KCNT2: variants seen among roughly 807,000 people sequenced by gnomAD.
The protein encoded by KCNT2 is potassium sodium-activated channel subfamily T member 2.
In KCNT2, 67 loss-of-function variants were observed where a neutral mutation model predicts 153.8. The ratio of observed to expected loss-of-function variants is 0.44; its 90% CI spans 0.36 to 0.53. KCNT2 has a LOEUF of 0.53. KCNT2 is among the 20% of genes least tolerant of loss of function. The probability of loss-of-function intolerance (pLI) is 0.00; values close to 1 mark genes in which losing one functional copy is unlikely to be tolerated. For missense variants in KCNT2, 975 were observed against 1,354.8 expected (o/e 0.72, Z 4.40); for synonymous variants, 500 against 458.8 (o/e 1.09, Z -1.15).
In KCNT2 at chr1:196,429,767, C is replaced by A; in HGVS notation, c.639-10G>T. The A allele has an allele frequency of 1.3e-6, 2 of 1,567,198 alleles. No individual in the cohort carries two copies. Among genetic ancestry groups the A allele is most frequent in the Non-Finnish European group, 1.7e-6 (2 of 1,153,598 alleles). On this transcript the variant is annotated splice_polypyrimidine_tract_variant and intron_variant, in intron 8 of 27. Coordinates refer to ENST00000294725, the MANE Select transcript of KCNT2 (RefSeq NM_198503.5). The stretch of plus-strand genomic sequence containing the variant: ...TTGGATCCCACAAATGCTAAAGAAA[C>A]AAATATGCATTACAATTAAATCTTT...
At position 196,258,478 on chromosome 1, in the gene KCNT2, C is replaced by T. The variant is rs1265533958; in HGVS notation, c.2927G>A (p.Ser976Asn). 1 of 1,585,548 alleles carries T rather than the reference C, an allele frequency of 6.3e-7. No individual in the cohort carries two copies. Among genetic ancestry groups the T allele is most frequent in the East Asian group, 2.2e-5 (1 of 44,650 alleles). Residue 976 changes from serine (S) to asparagine (N), a missense_variant, in exon 26 of 28, where the codon AGT becomes AAT. Ser to Asn is a conservative substitution (Grantham distance 46). Around this residue, in one of 6 missense-constraint regions of KCNT2, gnomAD observed 241 missense variants for 271.1 expected, o/e 0.89. Coordinates refer to ENST00000294725, the MANE Select transcript of KCNT2 (RefSeq NM_198503.5). ...TTTGGTGTCTTCCCACTCTTCTACA[C>T]TGATAGATATTTGAGACTTTAAAGG... ...LTTSESQISISVEEWEDTKDS... is the reference protein window; with the variant it reads ...LTTSESQISINVEEWEDTKDS...
At chr1:196,245,257 G>T (rs776348735) in intron 26 of KCNT2, among the ~76,000 whole-genome samples, 6 of 151,992 alleles carry the variant, frequency 3.9e-5, no homozygotes, top group Non-Finnish European at 8.8e-5. Context: ...TTGGGAAGCC[G>T]AGGTGGGAGG....
chr1:196,467,939 G>A (rs1677759734), intron 6 of KCNT2, among the ~76,000 whole-genome samples, 153 bp from the exon 7 acceptor site: 1 of 152,022 alleles, frequency 6.6e-6, no homozygotes, highest in African/African-American at 2.4e-5. Flanking sequence ...TAAAATGTAA[G>A]GAATTGATAT....
chr1:196,349,201 G>A (rs374820139), intron 14 of KCNT2, among the ~76,000 whole-genome samples: 79 of 152,162 alleles, frequency 5.2e-4, no homozygotes, highest in South Asian at 4.6e-3. Flanking sequence ...TTGGGAAAAA[G>A]GAAAAAAGCA....
chr1:196,567,851 C>G (rs566344507), intron 1 of KCNT2, among the ~76,000 whole-genome samples: 13 of 152,192 alleles, frequency 8.5e-5, no homozygotes, highest in Non-Finnish European at 1.6e-4. Flanking sequence ...GTACTGGAAC[C>G]TTTCTTTATC....
At chr1:196,310,158 CATT>C (rs1259482413) in intron 21 of KCNT2, among the ~76,000 whole-genome samples, 5 of 151,768 alleles carry the variant, frequency 3.3e-5, no homozygotes, top group Admixed American at 6.6e-5. Flanking sequence ...GTTTATGACA[CATT>C]ATTCAAAATA....
intron 3 of KCNT2, among the ~76,000 whole-genome samples, chr1:196,488,805 A>G (rs1355364118): frequency 6.6e-6 from 1 of 151,944 alleles, no homozygotes; most frequent in Non-Finnish European, 1.5e-5. Flanking sequence ...TTAGTGTGAG[A>G]GCTATGGAGG....
At chr1:196,388,621 A>T (rs1433278647) in intron 13 of KCNT2, among the ~76,000 whole-genome samples, 1 of 151,554 alleles carries the variant, frequency 6.6e-6, no homozygotes, top group Non-Finnish European at 1.5e-5. Context: ...ATTTTATTAA[A>T]TTCTCCCATA....
chr1:196,345,751 C>T (rs968588453), intron 14 of KCNT2, among the ~76,000 whole-genome samples: 9 of 151,916 alleles, frequency 5.9e-5, no homozygotes, highest in African/African-American at 2.2e-4. Context: ...AGGCAGACTT[C>T]GAGAATTTGC....
intron 26 of KCNT2, among the ~76,000 whole-genome samples, chr1:196,238,442 G>C (rs868507582): frequency 1.3e-5 from 2 of 151,808 alleles, no homozygotes; most frequent in Admixed American, 6.6e-5. Flanking sequence ...TATTATACAT[G>C]GCTTATCAAG....
chr1:196,558,301 GA>G (rs1412441975), intron 1 of KCNT2, among the ~76,000 whole-genome samples: 5 of 151,130 alleles, frequency 3.3e-5, no homozygotes, highest in African/African-American at 1.2e-4. Flanking sequence ...ATTAAATCTA[GA>G]AAAATCTACA....
chr1:196,499,088 A>G (rs2148756998), intron 1 of KCNT2, among the ~76,000 whole-genome samples: 1 of 152,334 alleles, frequency 6.6e-6, no homozygotes, highest in Middle Eastern at 3.4e-3. Flanking sequence ...GAAGATGGTC[A>G]TATGAAGACA....
intron 19 of KCNT2, among the ~76,000 whole-genome samples, chr1:196,321,238 T>G (rs1203804570): frequency 6.6e-6 from 1 of 151,776 alleles, no homozygotes; most frequent in East Asian, 1.9e-4. Flanking sequence ...ACCCTCCACA[T>G]CTCTCTCACC....
At chr1:196,239,864 C>T (rs77068550) in intron 26 of KCNT2, among the ~76,000 whole-genome samples, 2,854 of 151,964 alleles carry the variant, frequency 0.019, 31 homozygotes, top group Middle Eastern at 0.044. Flanking sequence ...GTCCTCTAAT[C>T]CAATAGGACT....
chr1:196,399,246 C>T (rs1002612995), intron 12 of KCNT2, among the ~76,000 whole-genome samples: 18 of 151,442 alleles, frequency 1.2e-4, no homozygotes, highest in African/African-American at 4.1e-4. Context: ...ACACGAACTC[C>T]TTTACATAGT....
intron 1 of KCNT2, among the ~76,000 whole-genome samples, chr1:196,557,640 G>A (rs533395737): frequency 7.9e-5 from 12 of 151,098 alleles, no homozygotes; most frequent in Non-Finnish European, 1.3e-4. Flanking sequence ...TTAATTAATA[G>A]CAATGTTATT....
chr1:196,361,891 TTGTG>T (rs916968748), intron 14 of KCNT2, among the ~76,000 whole-genome samples: 2 of 136,228 alleles, frequency 1.5e-5, no homozygotes, highest in African/African-American at 5.7e-5. Context: ...AGACTTTAAA[TTGTG>T]TGTGTGTTTG....
intron 1 of KCNT2, among the ~76,000 whole-genome samples, chr1:196,507,301 A>G (rs934651167): frequency 6.6e-6 from 1 of 152,156 alleles, no homozygotes; most frequent in African/African-American, 2.4e-5. Flanking sequence ...ATTATCCAGA[A>G]CTTGAAAGTA....
At chr1:196,437,232 A>G (rs1339479902) in intron 8 of KCNT2, among the ~76,000 whole-genome samples, 1 of 118,538 alleles carries the variant, frequency 8.4e-6, no homozygotes, top group Non-Finnish European at 1.7e-5. Flanking sequence ...AAGAAAGCTT[A>G]TATATATATA....
Sources: gnomAD v4.1 joint callset for allele counts (sites outside exome capture counted in the v4.1 genomes callset) on GRCh38, gnomAD v4.1.1 for gene constraint, gnomAD v4.1.1 regional missense constraint, MANE v1.5 for transcripts, NCBI Gene and HGNC (gene_info 2026-07-23, HGNC 2026-07-21) for gene names.